The following IGF1R variants were observed in gnomAD, a reference collection of about 807,000 sequenced individuals.
The protein encoded by IGF1R is insulin-like growth factor 1 receptor.
In IGF1R, 44 loss-of-function variants were observed where a neutral mutation model predicts 144.6. The ratio of observed to expected loss-of-function variants is 0.30; its 90% confidence interval spans 0.24 to 0.39. IGF1R has a LOEUF of 0.39. IGF1R is among the 10% of genes least tolerant of loss of function. IGF1R has a pLI of 1.00. For missense variants in IGF1R, 1,355 were observed against 1,833.7 expected, an observed-to-expected ratio of 0.74 and a Z score of 4.77; for synonymous variants, 795 against 722.8, an observed-to-expected ratio of 1.10 and a Z score of -1.60.
intron 2 of IGF1R, among the ~76,000 whole-genome samples, chr15:98,850,732 G>A (rs996312461): frequency 6.6e-6 from 1 of 151,944 alleles, no homozygotes; most frequent in African/African-American, 2.4e-5. Context: ...ATGGACAAGG[G>A]CTTGGCACTT....
chr15:98,904,386 C>G (rs2014630715), intron 5 of IGF1R, among the ~76,000 whole-genome samples: 1 of 151,956 alleles, frequency 6.6e-6, no homozygotes, highest in South Asian at 2.1e-4. Context: ...GGTTATACTT[C>G]AGAAGTAAAG....
rs769891354 is a variant in IGF1R at position 98,942,947 on chromosome 15, A to G, written c.3482A>G (p.Tyr1161Cys). ...GATTTTGGTATGACGCGAGATATCT[A>G]TGAGACAGACTATTACCGGAAAGGA... ...IGDFGMTRDIYETDYYRKGGK... is the reference protein window; with the variant it reads ...IGDFGMTRDICETDYYRKGGK... Residue 1161 changes from tyrosine (Y) to cysteine (C), a missense_variant, in exon 19 of 21, where the codon TAT becomes TGT. Physicochemically the swap from Tyr to Cys is radical, Grantham distance 194 (BLOSUM62 -2). Coordinates refer to ENST00000650285, the MANE Select transcript of IGF1R (RefSeq NM_000875.5). 1.2e-5 allele frequency: 19 copies of G among 1,614,164 alleles called. No homozygotes were observed. Among genetic ancestry groups the G allele is most frequent in the Admixed American group, 3.3e-5 (2 of 60,034 alleles).
At chr15:98,849,560 A>T (rs928495382) in intron 2 of IGF1R, among the ~76,000 whole-genome samples, 31 of 152,246 alleles carry the variant, frequency 2.0e-4, no homozygotes, top group African/African-American at 5.8e-4. Flanking sequence ...ACATTCATAA[A>T]AATTGAATTT....
At chr15:98,747,170 T>TAA (rs1018459379) in intron 2 of IGF1R, among the ~76,000 whole-genome samples, 2 of 151,096 alleles carry the variant, frequency 1.3e-5, no homozygotes, top group African/African-American at 4.9e-5. Context: ...TTTATACACT[T>TAA]ACACTATTCA....
At chr15:98,772,654 G>A (rs1248013276) in intron 2 of IGF1R, among the ~76,000 whole-genome samples, 12 of 151,038 alleles carry the variant, frequency 7.9e-5, no homozygotes, top group Admixed American at 7.9e-4. Flanking sequence ...ACACCACCAC[G>A]CCCAGCTAAT....
intron 19 of IGF1R, among the ~76,000 whole-genome samples, chr15:98,946,818 A>T (rs1219221712): frequency 6.6e-6 from 1 of 152,234 alleles, no homozygotes; most frequent in African/African-American, 2.4e-5. Flanking sequence ...CCGCTGACAC[A>T]GCCAGGAAGG....
chr15:98,887,589 C>T (rs559228840), intron 2 of IGF1R, among the ~76,000 whole-genome samples: 35 of 152,290 alleles, frequency 2.3e-4, no homozygotes, highest in African/African-American at 7.5e-4. Context: ...AGTTTCCTTC[C>T]TCTAATGACA....
chr15:98,786,463 G>T (rs1447745382), intron 2 of IGF1R, among the ~76,000 whole-genome samples: 5 of 152,250 alleles, frequency 3.3e-5, no homozygotes, highest in African/African-American at 1.2e-4. Context: ...ATGTGCTGCA[G>T]CGAATGGCCA....
At chr15:98,673,014 A>T (rs557117095) in intron 1 of IGF1R, among the ~76,000 whole-genome samples, 86 of 151,810 alleles carry the variant, frequency 5.7e-4, no homozygotes, top group Middle Eastern at 3.4e-3. Flanking sequence ...ACTTTTTTTT[A>T]AAAAAATGAG....
rs369254807 is a variant in IGF1R at position 98,957,283 on chromosome 15, A to C, written c.3945A>C (p.Pro1315=). 1 of 1,613,786 alleles carries C rather than the reference A, an allele frequency of 6.2e-7. No individual in the cohort carries two copies. Among genetic ancestry groups the C allele is most frequent in the Non-Finnish European group, 8.5e-7 (1 of 1,179,894 alleles). The change falls in exon 21 of 21, where the codon CCA becomes CCC. Residue 1315 remains proline, a synonymous_variant. Coordinates refer to ENST00000650285, the MANE Select transcript of IGF1R (RefSeq NM_000875.5). Reference sequence around the variant, plus strand: ...CCTCGGCCTCCTCGTCCTCCCTGCCACTGCCCGACAGACACTCAGGACACA... The same window carrying C: ...CCTCGGCCTCCTCGTCCTCCCTGCCCCTGCCCGACAGACACTCAGGACACA... ...LDPSASSSSL[P]LPDRHSGHKA...
chr15:98,812,111 A>AGATTTAAAAAG (rs1247172002), intron 2 of IGF1R, among the ~76,000 whole-genome samples: 2 of 152,288 alleles, frequency 1.3e-5, no homozygotes, highest in East Asian at 3.9e-4. Flanking sequence ...CACATCGTTG[A>AGATTTAAAAAG]GATTTAAAAA....
intron 1 of IGF1R, among the ~76,000 whole-genome samples, chr15:98,675,768 T>TTTTTTTTCTTCACTGGA (rs1351774699): frequency 2.0e-5 from 3 of 150,294 alleles, no homozygotes; most frequent in Admixed American, 6.6e-5. Context: ...CATTGTGCTG[T>TTTTTTTTCTTCACTGGA]TTTTTTTCTT....
At chr15:98,877,747 G>A (rs1402838447) in intron 2 of IGF1R, among the ~76,000 whole-genome samples, 2 of 152,062 alleles carry the variant, frequency 1.3e-5, no homozygotes, top group African/African-American at 2.4e-5. Context: ...AAAAATCTAA[G>A]TTCCACAGGT....
chr15:98,686,670 A>ATTTTTTTTT (rs201014820), intron 1 of IGF1R, among the ~76,000 whole-genome samples: 2 of 145,698 alleles, frequency 1.4e-5, no homozygotes, highest in Non-Finnish European at 3.0e-5. Context: ...GAAGTATTTA[A>ATTTTTTTTT]TTTTTTTTTT....
chr15:98,661,956 C>CTTTTTTTTTTTTTTTTT lies in IGF1R; in HGVS notation c.94+12291_94+12307dup, dbSNP rs869208651. Among the ~76,000 whole-genome samples, 75 of 105,712 alleles carry CTTTTTTTTTTTTTTTTT rather than the reference C, an allele frequency of 7.1e-4. 6 individuals are homozygous for CTTTTTTTTTTTTTTTTT. Among genetic ancestry groups the CTTTTTTTTTTTTTTTTT allele is most frequent in the African/African-American group, 1.7e-3 (37 of 22,338 alleles). The allele number at this position is 105,712 out of a possible 152,430, so 69.4% of individuals were successfully genotyped here. On this transcript the variant is annotated intron_variant, in intron 1 of 20. Transcript: ENST00000650285. ...GAATTGCTGCCAGTTGAATAGGGCC[C>CTTTTTTTTTTTTTTTTT]TTTTTTTTTTTTTTTTTTTTTTTTT...
chr15:98,795,247 A>C (rs1361284382), intron 2 of IGF1R, among the ~76,000 whole-genome samples: 1 of 152,218 alleles, frequency 6.6e-6, no homozygotes, highest in African/African-American at 2.4e-5. Context: ...AAGTTTATTA[A>C]GAAAATTGTA....
At chr15:98,811,743 G>A (rs867140115) in intron 2 of IGF1R, among the ~76,000 whole-genome samples, 28 of 151,746 alleles carry the variant, frequency 1.8e-4, no homozygotes, top group Admixed American at 4.6e-4. Flanking sequence ...TGGCTAACAC[G>A]GTGAAACCCC....
At position 98,706,589 on chromosome 15, in the gene IGF1R, T is replaced by TAA. The variant is rs35701132; in HGVS notation, c.95-962_95-961dup. 3.8e-4 allele frequency among the ~76,000 whole-genome samples: 56 copies of TAA among 147,614 alleles called. 1 individual carries two copies. Among genetic ancestry groups the TAA allele is most frequent in the Middle Eastern group, 7.0e-3 (2 of 286 alleles). On this transcript the variant is annotated intron_variant, in intron 1 of 20. Coordinates refer to ENST00000650285, the MANE Select transcript of IGF1R (RefSeq NM_000875.5). ...AAATGTCCAACAATAAGGGATTGGT[T>TAA]AAAAAAAAAAAACAACCCTCATGGT...
chr15:98,694,736 G>T (rs192010443), intron 1 of IGF1R, among the ~76,000 whole-genome samples: 2 of 152,260 alleles, frequency 1.3e-5, no homozygotes, highest in African/African-American at 4.8e-5. Context: ...TTCTGGTGGG[G>T]TGGAAACTTT....
Sources: allele counts gnomAD v4.1 joint callset (sites outside exome capture counted in the v4.1 genomes callset), GRCh38; gene constraint gnomAD v4.1.1; transcripts MANE v1.5; gene names NCBI Gene and HGNC (gene_info 2026-07-23, HGNC 2026-07-21).